Variants in ZFPL1 observed in about 807,000 individuals in gnomAD.
ZFPL1 encodes the protein zinc finger protein like 1, also known as zinc finger protein-like 1.
A neutral mutation model predicts 32.0 loss-of-function variants in ZFPL1; 28 were observed. The observed-to-expected ratio is 0.87, with a 90% CI of 0.65 to 1.20. The LOEUF (loss-of-function observed/expected upper bound fraction) is 1.20. ZFPL1 is among the 50% of genes most tolerant of loss of function. The pLI, the probability that ZFPL1 is intolerant of heterozygous loss-of-function variation, is 0.00. For missense variants in ZFPL1, 386 were observed against 424.8 expected, an observed-to-expected ratio of 0.91 and a Z score of 0.80; for synonymous variants, 165 against 177.0, an observed-to-expected ratio of 0.93 and a Z score of 0.54.
Position 65,087,028 on chromosome 11 carries a change from G to A in ZFPL1, c.582G>A (p.Glu194=), listed in dbSNP as rs773436748. Reference sequence around the variant, plus strand: ...CCCCAGCTTCCCCAGGCCGGCCCGAGCAGCACACAGTGATCCACATGGGCA... The same window carrying A: ...CCCCAGCTTCCCCAGGCCGGCCCGAACAGCACACAGTGATCCACATGGGCA... The part of the protein sequence containing the change: ...PRPPASPGRP[E]QHTVIHMGNP... Residue 194 remains glutamate, a synonymous_variant, in exon 6 of 8, where the codon GAG becomes GAA. Transcript: ENST00000294258. 6.2e-7 allele frequency: 1 copy of A among 1,613,954 alleles called. No individual in the cohort carries two copies. The highest frequency in any genetic ancestry group is 1.1e-5 in the South Asian group (1 of 91,062).
Position 65,086,880 on chromosome 11 carries a change from C to T in ZFPL1, c.482-48C>T, listed in dbSNP as rs1015192358. On this transcript the variant is annotated intron_variant, in intron 5 of 7. Coordinates refer to ENST00000294258, the MANE Select transcript of ZFPL1 (RefSeq NM_006782.4). The stretch of plus-strand genomic sequence containing the variant: ...TGGTCTGCAGTCACATGCTCTACCC[C>T]TGAGCTCTATGCACTGCTTCTGCTG... The T allele has an allele frequency of 4.3e-6, 7 of 1,613,166 alleles. No individual in the cohort carries two copies. In the African/African-American group the frequency reaches 9.3e-5, roughly 22 times the overall value.
Position 65,087,971 on chromosome 11 carries a change from C to T in ZFPL1, c.790C>T (p.Arg264Trp), listed in dbSNP as rs375607339. 6.0e-5 allele frequency: 95 copies of T among 1,580,776 alleles called. 1 individual carries two copies. Among genetic ancestry groups the T allele is most frequent in the South Asian group, 4.8e-4 (42 of 87,014 alleles). The change falls in exon 8 of 8, where the codon CGG becomes TGG. Residue 264 changes from arginine to tryptophan, a missense_variant. Coordinates refer to ENST00000294258, the MANE Select transcript of ZFPL1 (RefSeq NM_006782.4). ...SRKRPLTLLQ[R>W]AGLLLLLGLL... ...GAAGCGGCCGCTGACCCTGCTCCAGCGGGCGGGGCTGCTGCTACTCTTGGG... is the reference window on the plus strand; with the variant it reads ...GAAGCGGCCGCTGACCCTGCTCCAGTGGGCGGGGCTGCTGCTACTCTTGGG...
chr11:65,087,598 G>C (rs894510031), intron 7 of ZFPL1, 165 bp downstream of exon 7: 4 of 688,150 alleles, frequency 5.8e-6, no homozygotes, highest in Non-Finnish European at 9.8e-6. Flanking sequence ...AGCAGAAGCT[G>C]TGTTTTGCTT....
In ZFPL1 at chr11:65,088,273, GC is replaced by G; in HGVS notation, c.*161del. The G allele has an allele frequency of 8.8e-7, 1 of 1,135,202 alleles. No homozygotes were observed. Among genetic ancestry groups the G allele is most frequent in the Non-Finnish European group, 1.2e-6 (1 of 800,512 alleles). The allele number at this position is 1,135,202 out of a possible 1,614,324, so 70.3% of individuals were successfully genotyped here. A position where few individuals can be genotyped will look rare whatever the true frequency, so the allele number is the denominator to read the frequency against. On this transcript the variant is annotated 3_prime_UTR_variant, in exon 8 of 8. Transcript: ENST00000294258. ...GCCAAGTCCACCAGAGTGGCTGCAG[GC>G]CAGGCCTGGAGTCCCCGTGGGTCAA...
At chr11:65,084,829 G>A in intron 2 of ZFPL1, 29 bp downstream of exon 2, 1 of 1,613,112 alleles carries the variant, frequency 6.2e-7, no homozygotes, top group Non-Finnish European at 8.5e-7. Context: ...CGACTGAGCA[G>A]GGCACTGGGT....
In ZFPL1 at chr11:65,086,732, G is replaced by A. The variant is rs1462840111; in HGVS notation, c.421G>A (p.Val141Met). 1.9e-6 allele frequency: 3 copies of A among 1,614,234 alleles called. No individual in the cohort carries two copies. The highest frequency in any genetic ancestry group is 2.5e-6 in the Non-Finnish European group (3 of 1,180,034). ...GLGLPLIDEV[V>M]SPEPEPLNTS... Reference sequence around the variant, plus strand: ...TTCCTTCCTCCAGATCGATGAGGTGGTGAGCCCAGAGCCCGAGCCCCTCAA... The same window carrying A: ...TTCCTTCCTCCAGATCGATGAGGTGATGAGCCCAGAGCCCGAGCCCCTCAA... The change falls in exon 5 of 8, where the codon GTG becomes ATG. Residue 141 changes from valine (V) to methionine (M), a missense_variant. Coordinates refer to ENST00000294258, the MANE Select transcript of ZFPL1 (RefSeq NM_006782.4).
At chr11:65,086,882 G>A in intron 5 of ZFPL1, 46 bp from the exon 6 acceptor site, 1 of 1,613,252 alleles carries the variant, frequency 6.2e-7, no homozygotes, top group Non-Finnish European at 8.5e-7. Context: ...CTCTACCCCT[G>A]AGCTCTATGC....
At chr11:65,087,454 C>T (rs369918284) in intron 7 of ZFPL1, 21 bp downstream of exon 7, 15 of 1,609,748 alleles carry the variant, frequency 9.3e-6, no homozygotes, top group Admixed American at 8.3e-5. Flanking sequence ...TCAGGCAGGG[C>T]GGAATGCCAG....
At chr11:65,086,246 G>A (rs1273314540) in intron 3 of ZFPL1, 169 bp from the exon 4 acceptor site, 3 of 926,522 alleles carry the variant, frequency 3.2e-6, no homozygotes, top group Non-Finnish European at 3.3e-6. Flanking sequence ...GACTTAGATG[G>A]TGGTAGCCAA....
In ZFPL1 at chr11:65,086,927, G is replaced by C. The variant is rs780342788; in HGVS notation, c.482-1G>C. The C allele has an allele frequency of 1.9e-6, 3 of 1,613,626 alleles. No individual in the cohort carries two copies. The highest frequency in any genetic ancestry group is 2.5e-6 in the Non-Finnish European group (3 of 1,179,710). ...GCTGACGGCTCTCTTTCCACCCACA[G>C]CCAGCAGTACCCCTGGACCAGAGGA... On this transcript the variant is annotated splice_acceptor_variant, in intron 5 of 7. Transcript: ENST00000294258. LOFTEE classifies it high-confidence loss of function.
Position 65,084,676 on chromosome 11 carries a change from A to G in ZFPL1, c.-8-15A>G. 1.2e-6 allele frequency: 2 copies of G among 1,613,094 alleles called. No homozygotes were observed. Among genetic ancestry groups the G allele is most frequent in the Non-Finnish European group, 1.7e-6 (2 of 1,179,234 alleles). ...CCAGAACCTGACTTCCTACCAACTC[A>G]TGCCCCTTTCCCAGGATCGATCATG... On this transcript the variant is annotated splice_polypyrimidine_tract_variant and intron_variant, in intron 1 of 7. Transcript: ENST00000294258.
Position 65,087,431 on chromosome 11 carries a change from A to G in ZFPL1, c.744A>G (p.Leu248=), listed in dbSNP as rs1404618651. The G allele has an allele frequency of 6.2e-7, 1 of 1,613,828 alleles. No individual in the cohort carries two copies. Among genetic ancestry groups the G allele is most frequent in the Non-Finnish European group, 8.5e-7 (1 of 1,179,928 alleles). Residue 248 remains leucine, a splice_region_variant and synonymous_variant, in exon 7 of 8, where the codon CTA becomes CTG. Coordinates refer to ENST00000294258, the MANE Select transcript of ZFPL1 (RefSeq NM_006782.4). The stretch of plus-strand genomic sequence containing the variant: ...CCTTGGGTTGGCTGGCCCGGCTGCT[A>G]AGGTACACAGGGTCAGGCAGGGCGG... The part of the protein sequence containing the change: ...RPALGWLARL[L]RSRAGSRKRP...
chr11:65,084,300 C>T lies in ZFPL1; in HGVS notation c.-87C>T. On this transcript the variant is annotated 5_prime_UTR_variant, in exon 1 of 8. Coordinates refer to ENST00000294258, the MANE Select transcript of ZFPL1 (RefSeq NM_006782.4). ...GCAGGAGCCCTGGGGAGAGTGGTCC[C>T]TGCCCTTCCGCGCCTCGAGCCATCG... 3.8e-6 allele frequency: 2 copies of T among 531,686 alleles called. No individual in the cohort carries two copies. The highest frequency in any genetic ancestry group is 1.9e-5 in the African/African-American group (1 of 51,646). The allele number at this position is 531,686 out of a possible 1,614,324, so 32.9% of individuals were successfully genotyped here.
In ZFPL1 at chr11:65,087,942, C is replaced by G. The variant is rs1947695789; in HGVS notation, c.761C>G (p.Ser254Cys). The G allele has an allele frequency of 1.9e-6, 3 of 1,565,538 alleles. No individual in the cohort carries two copies. In the East Asian group the frequency reaches 6.9e-5, roughly 36 times the overall value. ...CATCCCCCCAGGAGCCGGGCTGGGT[C>G]TCGGAAGCGGCCGCTGACCCTGCTC... ...LARLLRSRAG[S>C]RKRPLTLLQR... The change falls in exon 8 of 8, where the codon TCT becomes TGT. Residue 254 changes from serine to cysteine, a missense_variant. Ser to Cys is a moderately radical substitution (Grantham distance 112). Coordinates refer to ENST00000294258, the MANE Select transcript of ZFPL1 (RefSeq NM_006782.4).
chr11:65,085,999 G>A, intron 3 of ZFPL1: 15 of 197,634 alleles, frequency 7.6e-5, no homozygotes, highest in South Asian at 2.4e-4. Context: ...ACTTGTGTTT[G>A]ATTATGTGCT....
At position 65,086,433 on chromosome 11, in the gene ZFPL1, G is replaced by A. The variant is rs763871805; in HGVS notation, c.233G>A (p.Cys78Tyr). ...LVCYDLFHWA[C>Y]LNERAAQLPR... ...CCCTAAGATCTCTTTCACTGGGCCT[G>A]CCTCAATGAACGTGCTGCCCAGCTA... The change falls in exon 4 of 8, where the codon TGC becomes TAC. Residue 78 changes from cysteine to tyrosine, a missense_variant. Coordinates refer to ENST00000294258, the MANE Select transcript of ZFPL1 (RefSeq NM_006782.4). 2.5e-6 allele frequency: 4 copies of A among 1,614,044 alleles called. No homozygotes were observed. Among genetic ancestry groups the A allele is most frequent in the Non-Finnish European group, 3.4e-6 (4 of 1,180,032 alleles).
chr11:65,088,073 G>A lies in ZFPL1; in HGVS notation c.892G>A (p.Asp298Asn). 6.2e-7 allele frequency: 1 copy of A among 1,611,800 alleles called. No individual in the cohort carries two copies. Among genetic ancestry groups the A allele is most frequent in the Non-Finnish European group, 8.5e-7 (1 of 1,179,672 alleles). ...RAAADSDPNL[D>N]PLMNPHIRVG... ...CGCAGCTGACAGCGATCCCAACCTG[G>A]ACCCACTCATGAACCCTCACATCCG... is the stretch of plus-strand genomic sequence containing the variant. Residue 298 changes from aspartate (D) to asparagine (N), a missense_variant, in exon 8 of 8, where the codon GAC becomes AAC. By Grantham distance (23) the Asp-to-Asn change is conservative. Coordinates refer to ENST00000294258, the MANE Select transcript of ZFPL1 (RefSeq NM_006782.4).
chr11:65,084,771 G>T lies in ZFPL1; in HGVS notation c.73G>T (p.Glu25Ter). The T allele has an allele frequency of 1.2e-6, 2 of 1,614,112 alleles. No individual in the cohort carries two copies. The highest frequency in any genetic ancestry group is 1.7e-6 in the Non-Finnish European group (2 of 1,180,028). ...FCFEHRVNVC[E>*]HCLVANHAKC... is the part of the protein sequence containing the mutation. ...CTTCGAACATCGGGTCAACGTCTGC[G>T]AGCACTGCCTGGTAGCCAATCACGC... Residue 25 changes from glutamate (E) to a stop codon, truncating the protein, a stop_gained, in exon 2 of 8, where the codon GAG (glutamate) becomes TAG (stop). Coordinates refer to ENST00000294258, the MANE Select transcript of ZFPL1 (RefSeq NM_006782.4). LOFTEE classifies it high-confidence loss of function.
At chr11:65,086,165 A>C in intron 3 of ZFPL1, 1 of 583,570 alleles carries the variant, frequency 1.7e-6, no homozygotes, top group Non-Finnish European at 3.1e-6. Context: ...AAAGGACTGA[A>C]AGGGGAGGTG....
Sources: allele counts gnomAD v4.1 joint callset, GRCh38; gene constraint gnomAD v4.1.1; transcripts MANE v1.5; gene names NCBI Gene and HGNC (gene_info 2026-07-23, HGNC 2026-07-21).